The following RGS7 variants were observed in gnomAD, a reference collection of about 807,000 sequenced individuals.
RGS7 encodes the protein regulator of G-protein signaling 7.
RGS7 carries 27 observed loss-of-function variants against 81.1 expected under a neutral mutation model. The ratio of observed to expected loss-of-function variants is 0.33; its 90% CI spans 0.25 to 0.46. The LOEUF is 0.46. Among genes scored for constraint, RGS7 ranks in the 20% least tolerant of loss-of-function variants. RGS7 has a pLI of 1.00. For synonymous variants in RGS7, 208 were observed against 207.7 expected, an observed-to-expected ratio of 1.00 and a Z score of -0.01; for missense variants, 396 against 607.4, an observed-to-expected ratio of 0.65 and a Z score of 3.66.
chr1:240,983,183 T>C, intron 3 of RGS7, 54 bp from the exon 4 acceptor site: 1 of 981,944 alleles, frequency 1.0e-6, no homozygotes, highest in South Asian at 1.5e-5. Flanking sequence ...TGTTTATACA[T>C]ATTAACTTTA....
chr1:240,844,168 T>C (rs1422992160), intron 9 of RGS7, among the ~76,000 whole-genome samples: 1 of 152,114 alleles, frequency 6.6e-6, no homozygotes, highest in Non-Finnish European at 1.5e-5. Flanking sequence ...TTTGGCCCCA[T>C]TTTCTCCCCT....
intron 2 of RGS7, among the ~76,000 whole-genome samples, chr1:241,122,084 G>A (rs1378905331): frequency 1.3e-5 from 2 of 152,068 alleles, no homozygotes; most frequent in Non-Finnish European, 2.9e-5. Context: ...CTTATACATT[G>A]CTTTTGTTAT....
chr1:241,149,700 C>A (rs2068607610), intron 2 of RGS7, among the ~76,000 whole-genome samples: 1 of 152,204 alleles, frequency 6.6e-6, no homozygotes, highest in African/African-American at 2.4e-5. Flanking sequence ...TGGGAGATAA[C>A]TAAAGAGGCT....
chr1:241,146,754 T>C (rs769430233), intron 2 of RGS7, among the ~76,000 whole-genome samples: 10 of 152,230 alleles, frequency 6.6e-5, no homozygotes, highest in Admixed American at 5.2e-4. Context: ...GAGTGTCTTA[T>C]ACACAACAGG....
At chr1:241,352,421 G>A (rs529863842) in intron 2 of RGS7, among the ~76,000 whole-genome samples, 2 of 152,324 alleles carry the variant, frequency 1.3e-5, no homozygotes, top group Non-Finnish European at 2.9e-5. Context: ...AAACACCACA[G>A]CCATTGTAAT....
chr1:241,230,555 T>C (rs1047090444), intron 2 of RGS7, among the ~76,000 whole-genome samples: 1 of 152,232 alleles, frequency 6.6e-6, no homozygotes, highest in Non-Finnish European at 1.5e-5. Flanking sequence ...TTGCTGGGTA[T>C]GCCATGGGGC....
At chr1:241,214,810 G>A (rs547310418) in intron 2 of RGS7, among the ~76,000 whole-genome samples, 3 of 151,998 alleles carry the variant, frequency 2.0e-5, no homozygotes, top group African/African-American at 7.2e-5. Context: ...GTTTTTTAAA[G>A]CTTCATCTAT....
intron 9 of RGS7, among the ~76,000 whole-genome samples, chr1:240,856,337 C>A (rs1179577426): frequency 3.3e-4 from 50 of 152,110 alleles, no homozygotes; most frequent in Non-Finnish European, 1.0e-4. Flanking sequence ...CATTTACACC[C>A]CCGTTCTACT....
intron 2 of RGS7, among the ~76,000 whole-genome samples, chr1:241,307,221 T>G (rs1309744850): frequency 6.6e-6 from 1 of 152,154 alleles, no homozygotes; most frequent in Non-Finnish European, 1.5e-5. Context: ...ATACTATGAG[T>G]GGGCCCTGAA....
intron 3 of RGS7, among the ~76,000 whole-genome samples, chr1:241,058,932 G>A (rs921538949): frequency 5.3e-5 from 8 of 152,158 alleles, no homozygotes; most frequent in African/African-American, 1.9e-4. Flanking sequence ...TCAACTTAAT[G>A]CAATCTGGTT....
At chr1:240,971,293 A>G (rs557942450) in intron 4 of RGS7, among the ~76,000 whole-genome samples, 1 of 152,328 alleles carries the variant, frequency 6.6e-6, no homozygotes, top group East Asian at 1.9e-4. Context: ...ACTGTGAGAA[A>G]TAAATCTTTC....
At chr1:241,270,887 T>C (rs1013806720) in intron 2 of RGS7, among the ~76,000 whole-genome samples, 22 of 148,398 alleles carry the variant, frequency 1.5e-4, no homozygotes, top group Non-Finnish European at 2.4e-4. Context: ...GCCTCCCCAG[T>C]AGCTGGGGCT....
At chr1:240,787,060 T>C (rs1316714172) in intron 18 of RGS7, among the ~76,000 whole-genome samples, 2 of 152,194 alleles carry the variant, frequency 1.3e-5, no homozygotes, top group East Asian at 3.8e-4. Flanking sequence ...GAGCACTGTA[T>C]GAGATCACCT....
chr1:240,916,364 A>G (rs1481322175), intron 6 of RGS7, among the ~76,000 whole-genome samples: 1 of 152,082 alleles, frequency 6.6e-6, no homozygotes, highest in Non-Finnish European at 1.5e-5. Flanking sequence ...AAAAGGCATA[A>G]CATACATGTA....
intron 2 of RGS7, among the ~76,000 whole-genome samples, chr1:241,355,068 C>CA (rs1040309756): frequency 3.4e-5 from 5 of 147,798 alleles, no homozygotes; most frequent in African/African-American, 9.9e-5. Context: ...TATTTGTGGC[C>CA]AAAAAAAAGC....
chr1:241,137,807 G>A (rs1213142216), intron 2 of RGS7, among the ~76,000 whole-genome samples: 1 of 152,202 alleles, frequency 6.6e-6, no homozygotes. Flanking sequence ...AAAGGTGTGT[G>A]CTTACATGCT....
chr1:240,979,536 G>A (rs1473079252), intron 4 of RGS7, among the ~76,000 whole-genome samples: 5 of 152,158 alleles, frequency 3.3e-5, no homozygotes, highest in Non-Finnish European at 7.4e-5. Context: ...TTTGAGAAGT[G>A]GAAAAATCGG....
intron 4 of RGS7, among the ~76,000 whole-genome samples, chr1:240,963,907 G>A (rs1420731376): frequency 6.6e-6 from 1 of 152,236 alleles, no homozygotes; most frequent in South Asian, 2.1e-4. Flanking sequence ...AGCACTTTGG[G>A]AGGCCGAAGC....
chr1:240,981,570 C>T (rs1018343561), intron 4 of RGS7, among the ~76,000 whole-genome samples: 1 of 152,172 alleles, frequency 6.6e-6, no homozygotes, highest in Admixed American at 6.5e-5. Flanking sequence ...AAAAAACAGG[C>T]ATGCCACTGA....
Sources: allele counts gnomAD v4.1 joint callset (sites outside exome capture counted in the v4.1 genomes callset), GRCh38; gene constraint gnomAD v4.1.1; transcripts MANE v1.5; gene names NCBI Gene and HGNC (gene_info 2026-07-23, HGNC 2026-07-21).